Variants in PSMG2 observed in about 807,000 individuals in gnomAD.
PSMG2 encodes the protein CD40 ligand-activated specific transcript 3.
PSMG2 carries 21 observed loss-of-function variants against 31.5 expected under a neutral mutation model. That is an observed-to-expected ratio of 0.67 (90% CI 0.47 to 0.96). The LOEUF (loss-of-function observed/expected upper bound fraction) is 0.96. Among genes scored for constraint, PSMG2 ranks in the 40% least tolerant of loss-of-function variants. The pLI is 0.00. For synonymous variants in PSMG2, 120 were observed against 110.4 expected (o/e 1.09, Z -0.54); for missense variants, 318 against 321.2 (o/e 0.99, Z 0.08).
intron 1 of PSMG2, chr18:12,670,658 T>C (rs953234431): frequency 3.6e-4 from 43 of 118,216 alleles, no homozygotes; most frequent in African/African-American, 1.4e-3. Context: ...TGGTTTTTTT[T>C]AACTTTTTTA....
intron 1 of PSMG2, chr18:12,680,751 C>T: frequency 2.5e-6 from 4 of 1,613,594 alleles, no homozygotes; most frequent in Non-Finnish European, 3.4e-6. Flanking sequence ...TTGCCTTGGT[C>T]CCAACACAAA....
intron 1 of PSMG2, among the ~76,000 whole-genome samples, chr18:12,690,398 C>T (rs1321404044): frequency 1.3e-5 from 2 of 151,772 alleles, no homozygotes; most frequent in Admixed American, 6.6e-5. Flanking sequence ...TGAATATATA[C>T]AAAATATTTG....
chr18:12,680,865 A>G, intron 1 of PSMG2: 6 of 1,552,528 alleles, frequency 3.9e-6, no homozygotes, highest in Non-Finnish European at 5.3e-6. Flanking sequence ...TCATTCTTCC[A>G]TATTATTTCC....
chr18:12,721,766 T>C (rs1261532629), intron 5 of PSMG2, among the ~76,000 whole-genome samples: 2 of 152,138 alleles, frequency 1.3e-5, no homozygotes, highest in Non-Finnish European at 2.9e-5. Context: ...TTTTTTCCGC[T>C]AGCTTTGGAT....
intron 1 of PSMG2, among the ~76,000 whole-genome samples, chr18:12,675,130 C>T (rs1327249362): frequency 1.3e-5 from 2 of 152,160 alleles, no homozygotes; most frequent in Non-Finnish European, 2.9e-5. Context: ...GGTGCGGTGG[C>T]TCACGCCTGT....
chr18:12,724,844 C>A (rs2145155025), intron 6 of PSMG2: 1 of 441,278 alleles, frequency 2.3e-6, no homozygotes, highest in Non-Finnish European at 3.9e-6. Flanking sequence ...AAGGAAAATC[C>A]TTAGTTCTTC....
chr18:12,670,825 T>C (rs1335273997), intron 1 of PSMG2: 1 of 152,150 alleles, frequency 6.6e-6, no homozygotes, highest in Non-Finnish European at 1.5e-5. Flanking sequence ...TTTTTTACAT[T>C]TTTTGTAGAG....
At chr18:12,712,661 C>T (rs370600689) in intron 2 of PSMG2, 41 bp from the exon 3 acceptor site, 14 of 1,420,238 alleles carry the variant, frequency 9.9e-6, no homozygotes, top group African/African-American at 1.4e-5. Context: ...ACTTGTATAA[C>T]TTCACTGTCA....
chr18:12,691,709 A>ATT (rs537984227), intron 1 of PSMG2, among the ~76,000 whole-genome samples: 123 of 140,314 alleles, frequency 8.8e-4, no homozygotes, highest in Middle Eastern at 3.6e-3. Flanking sequence ...CAAAGACAGA[A>ATT]TTTTTTTTTT....
chr18:12,659,805 A>G (rs1416664347), intron 1 of PSMG2, among the ~76,000 whole-genome samples: 2 of 152,230 alleles, frequency 1.3e-5, no homozygotes, highest in Non-Finnish European at 2.9e-5. Context: ...ATTTGTAGCA[A>G]TGCAGTATCT....
intron 1 of PSMG2, chr18:12,672,633 C>T (rs2038977382): frequency 1.0e-6 from 1 of 981,196 alleles, no homozygotes; most frequent in Non-Finnish European, 1.2e-6. Context: ...AATCAGTGAT[C>T]GACTGCAAGA....
chr18:12,716,342 T>A (rs887321017), intron 3 of PSMG2, among the ~76,000 whole-genome samples: 5 of 152,102 alleles, frequency 3.3e-5, no homozygotes, highest in African/African-American at 1.2e-4. Context: ...AGTTGAAAAA[T>A]TATTTAACGT....
chr18:12,685,012 CTTTTT>C lies in PSMG2; in HGVS notation c.-36-21532_-36-21528del, dbSNP rs932893246. 3 of 146,098 alleles carry C rather than the reference CTTTTT, an allele frequency of 2.1e-5. No homozygotes were observed. In the Admixed American group the frequency reaches 2.1e-4, roughly 10 times the overall value. 9.1% of individuals were successfully genotyped at this position (146,098 alleles called of 1,614,324 possible). A position where few individuals can be genotyped will look rare whatever the true frequency, so the allele number is the denominator to read the frequency against. On this transcript the variant is annotated intron_variant, in intron 1 of 6. Coordinates refer to the PSMG2 transcript ENST00000585331. The stretch of plus-strand genomic sequence containing the variant: ...TATTAATTTTGTACTGCCATTTTCT[CTTTTT>C]TTTTTATGGAGTTTCGCTCGTTGCC...
intron 5 of PSMG2, among the ~76,000 whole-genome samples, chr18:12,722,584 A>G (rs12958598): frequency 0.089 from 13,588 of 152,256 alleles, 845 homozygotes; most frequent in Non-Finnish European, 0.13. Flanking sequence ...CCACAAAGTT[A>G]GCGGTGATAA....
intron 1 of PSMG2, among the ~76,000 whole-genome samples, chr18:12,660,718 G>A (rs2038679836): frequency 6.6e-6 from 1 of 151,740 alleles, no homozygotes; most frequent in East Asian, 1.9e-4. Flanking sequence ...AGACATTACT[G>A]CACTGTATCA....
intron 3 of PSMG2, among the ~76,000 whole-genome samples, chr18:12,713,510 T>C (rs1455119854): frequency 6.6e-6 from 1 of 152,102 alleles, no homozygotes; most frequent in African/African-American, 2.4e-5. Flanking sequence ...AAAGGGGACA[T>C]CTGGAAGGTC....
At chr18:12,674,542 C>T in intron 1 of PSMG2, 1 of 1,611,842 alleles carries the variant, frequency 6.2e-7, no homozygotes, top group Non-Finnish European at 8.5e-7. Flanking sequence ...TTACCGAAGA[C>T]ATGTGGCAAA....
chr18:12,716,684 G>A (rs1441047686), intron 3 of PSMG2, among the ~76,000 whole-genome samples: 4 of 151,936 alleles, frequency 2.6e-5, no homozygotes, highest in Admixed American at 6.6e-5. Flanking sequence ...GTGAGCCACC[G>A]TGCCTGGCCA....
chr18:12,693,186 CTT>C (rs914058421), intron 1 of PSMG2, among the ~76,000 whole-genome samples: 1 of 152,008 alleles, frequency 6.6e-6, no homozygotes, highest in Non-Finnish European at 1.5e-5. Context: ...ATAGAATAAA[CTT>C]ATGTTTTAGT....
Sources: allele counts gnomAD v4.1 joint callset (sites outside exome capture counted in the v4.1 genomes callset), GRCh38; gene constraint gnomAD v4.1.1; transcripts MANE v1.5; gene names NCBI Gene and HGNC (gene_info 2026-07-23, HGNC 2026-07-21).